Variants in NFIB observed in about 807,000 individuals in gnomAD.
The protein encoded by NFIB is nuclear factor 1 B-type.
In NFIB, 11 loss-of-function variants were observed where a neutral mutation model predicts 61.5. The ratio of observed to expected loss-of-function variants is 0.18; its 90% confidence interval spans 0.11 to 0.30. The LOEUF is 0.30. NFIB is among the 10% of genes least tolerant of loss of function. The probability of loss-of-function intolerance (pLI) is 1.00; values close to 1 mark genes in which losing one functional copy is unlikely to be tolerated. For synonymous variants in NFIB, 260 were observed against 216.5 expected (o/e 1.20, Z -1.76); for missense variants, 471 against 608.9 (o/e 0.77, Z 2.38).
At chr9:14,125,480 G>T in intron 7 of NFIB, 152 bp downstream of exon 7, 2 of 1,152,284 alleles carry the variant, frequency 1.7e-6, no homozygotes, top group African/African-American at 3.1e-5. Context: ...AAATTGAGAA[G>T]AAAAAATACT....
the NFIB span, among the ~76,000 whole-genome samples, chr9:14,423,682 G>C: frequency 2.0e-5 from 3 of 152,100 alleles, no homozygotes; most frequent in African/African-American, 7.2e-5. Flanking sequence ...GCCCCTTTTA[G>C]GGAACCTATT....
At chr9:14,186,418 A>T (rs1273439080) in intron 2 of NFIB, among the ~76,000 whole-genome samples, 1 of 152,178 alleles carries the variant, frequency 6.6e-6, no homozygotes, top group African/African-American at 2.4e-5. Context: ...TTTCTCTCTA[A>T]AACATTATTA....
chr9:14,284,620 T>A (rs1356817253), intron 2 of NFIB, among the ~76,000 whole-genome samples: 1 of 152,206 alleles, frequency 6.6e-6, no homozygotes, highest in Non-Finnish European at 1.5e-5. Flanking sequence ...ACGTTCTTTG[T>A]TCATCTATTT....
At chr9:14,229,288 C>G (rs1009713019) in intron 2 of NFIB, among the ~76,000 whole-genome samples, 2 of 152,152 alleles carry the variant, frequency 1.3e-5, no homozygotes, top group African/African-American at 4.8e-5. Context: ...AAGCCCAATT[C>G]AATCCTGAAT....
rs568987911 is a variant in NFIB at position 14,138,618 on chromosome 9, A to G, written c.925+8071T>C. 3.8e-4 allele frequency among the ~76,000 whole-genome samples: 58 copies of G among 152,250 alleles called. 1 individual carries two copies. In the East Asian group the frequency reaches 0.011, roughly 29 times the overall value. ...ACATGCAAAATGACAGATATCTGGGATTTGCTTTAAAATACTTTTAAAAAC... is the reference window on the plus strand; with the variant it reads ...ACATGCAAAATGACAGATATCTGGGGTTTGCTTTAAAATACTTTTAAAAAC... On this transcript the variant is annotated intron_variant, in intron 6 of 10. Transcript: ENST00000380953.
chr9:14,187,027 A>ATGTGTGTGTGTG lies in NFIB; in HGVS notation c.563-7259_563-7248dup, dbSNP rs71491637. 2.9e-3 allele frequency among the ~76,000 whole-genome samples: 175 copies of ATGTGTGTGTGTG among 61,002 alleles called. 2 individuals carry two copies. Among genetic ancestry groups the ATGTGTGTGTGTG allele is most frequent in the African/African-American group, 4.7e-3 (128 of 26,964 alleles). 40.0% of individuals were successfully genotyped at this position (61,002 alleles called of 152,430 possible). ...CTCCTGTGTGTGTGTGTGTGTGTGT[A>ATGTGTGTGTGTG]TGTGTGTGTGTGTGTGTGTGTGTGT... On this transcript the variant is annotated intron_variant, in intron 2 of 10. Transcript: ENST00000380953.
Position 14,288,811 on chromosome 9 carries a change from C to T in NFIB, c.562+18178G>A, listed in dbSNP as rs904667166. ...TCGGACAAGGCCATCAGTATTTCAC[C>T]GTTTTTTCCTAGCTCCTTAAAATAT... On this transcript the variant is annotated intron_variant, in intron 2 of 10. Coordinates refer to ENST00000380953, the MANE Select transcript of NFIB (RefSeq NM_001190737.2). 3.9e-5 allele frequency among the ~76,000 whole-genome samples: 6 copies of T among 151,928 alleles called. 1 individual carries two copies. Among genetic ancestry groups the T allele is most frequent in the Non-Finnish European group, 7.4e-5 (5 of 67,984 alleles).
intron 2 of NFIB, among the ~76,000 whole-genome samples, chr9:14,299,758 T>G (rs1046951601): frequency 6.6e-5 from 10 of 152,236 alleles, no homozygotes; most frequent in African/African-American, 2.4e-4. Context: ...GTTTAAGCTA[T>G]CATCATAAAC....
chr9:14,392,393 A>G (rs1409192210), intron 1 of NFIB, among the ~76,000 whole-genome samples: 2 of 152,228 alleles, frequency 1.3e-5, no homozygotes, highest in African/African-American at 2.4e-5. Flanking sequence ...CCTTTATATT[A>G]TCTTTACAAC....
At chr9:14,470,839 T>A in the NFIB span, among the ~76,000 whole-genome samples, 1 of 152,184 alleles carries the variant, frequency 6.6e-6, no homozygotes, top group Non-Finnish European at 1.5e-5. Flanking sequence ...GACCTCAGTG[T>A]AACCCATTTC....
intron 6 of NFIB, among the ~76,000 whole-genome samples, chr9:14,141,872 A>G (rs145385098): frequency 0.056 from 6,950 of 123,104 alleles, 522 homozygotes; most frequent in African/African-American, 0.18. Context: ...TTGTTCTTTC[A>G]CTCTTTGCAA....
intron 6 of NFIB, among the ~76,000 whole-genome samples, chr9:14,138,896 G>A (rs2041368870): frequency 6.6e-6 from 1 of 151,664 alleles, no homozygotes; most frequent in Non-Finnish European, 1.5e-5. Flanking sequence ...TGATTTATGT[G>A]TGTGTGTGTG....
chr9:14,164,754 T>C (rs1213464910), intron 3 of NFIB, among the ~76,000 whole-genome samples: 1 of 152,184 alleles, frequency 6.6e-6, no homozygotes, highest in African/African-American at 2.4e-5. Flanking sequence ...TATCCTAGTG[T>C]AGTGGTTGCC....
At chr9:14,304,808 C>A (rs1412529256) in intron 2 of NFIB, among the ~76,000 whole-genome samples, 2 of 152,154 alleles carry the variant, frequency 1.3e-5, no homozygotes, top group African/African-American at 4.8e-5. Context: ...AATCTGCCTT[C>A]TTTAATCAAT....
the NFIB span, among the ~76,000 whole-genome samples, chr9:14,453,129 C>T: frequency 6.6e-6 from 1 of 152,176 alleles, no homozygotes; most frequent in Non-Finnish European, 1.5e-5. Context: ...TTCAGGGTAT[C>T]TTTTGTGTAT....
the NFIB span, among the ~76,000 whole-genome samples, chr9:14,464,114 C>A: frequency 0.75 from 112,975 of 151,332 alleles, 42,399 homozygotes; most frequent in East Asian, 0.88. Context: ...CTGACTGAAC[C>A]AAATCTGGTA....
chr9:14,093,053 G>A (rs1404820415), intron 10 of NFIB, among the ~76,000 whole-genome samples: 2 of 151,920 alleles, frequency 1.3e-5, no homozygotes, highest in African/African-American at 4.8e-5. Flanking sequence ...TTACCTTTTA[G>A]CTCACTAACA....
intron 1 of NFIB, among the ~76,000 whole-genome samples, chr9:14,312,262 T>C (rs1004049975): frequency 1.4e-4 from 22 of 152,258 alleles, no homozygotes; most frequent in Non-Finnish European, 2.5e-4. Flanking sequence ...TGGCTTCTAA[T>C]TGTCATACAA....
chr9:14,143,515 A>T (rs1255718556), intron 6 of NFIB, among the ~76,000 whole-genome samples: 1 of 152,196 alleles, frequency 6.6e-6, no homozygotes, highest in Non-Finnish European at 1.5e-5. Flanking sequence ...TCAAGAACAG[A>T]TTTTAATGCA....
Sources: allele counts gnomAD v4.1 joint callset (sites outside exome capture counted in the v4.1 genomes callset), GRCh38; gene constraint gnomAD v4.1.1; transcripts MANE v1.5; gene names NCBI Gene and HGNC (gene_info 2026-07-23, HGNC 2026-07-21).